Variants in NSMCE1 observed in about 807,000 individuals in gnomAD.
The protein encoded by NSMCE1 is non-structural maintenance of chromosomes element 1 homolog.
NSMCE1 carries 18 observed loss-of-function variants against 29.6 expected under a neutral mutation model. The observed-to-expected ratio is 0.61, with a 90% CI of 0.42 to 0.90. NSMCE1 has a LOEUF of 0.90. NSMCE1 is among the 40% of genes least tolerant of loss of function. The pLI is 0.00. For missense variants in NSMCE1, 314 were observed against 343.6 expected, an observed-to-expected ratio of 0.91 and a Z score of 0.68; for synonymous variants, 124 against 133.4, an observed-to-expected ratio of 0.93 and a Z score of 0.49.
At chr16:27,268,327 A>C (rs1479051844) in intron 1 of NSMCE1, 1 of 152,250 alleles carries the variant, frequency 6.6e-6, no homozygotes, top group African/African-American at 2.4e-5. Context: ...TGTATTTTCC[A>C]TAGATGTAAT....
intron 2 of NSMCE1, among the ~76,000 whole-genome samples, chr16:27,256,546 T>G (rs1369623682): frequency 6.6e-6 from 1 of 152,230 alleles, no homozygotes; most frequent in Non-Finnish European, 1.5e-5. Context: ...CATCATACAA[T>G]TACTCATCCA....
rs2084130384 is a variant in NSMCE1 at position 27,259,494 on chromosome 16, TA to T, written c.-11-1914del. 3.3e-5 allele frequency among the ~76,000 whole-genome samples: 5 copies of T among 152,254 alleles called. No individual in the cohort carries two copies. In the South Asian group the frequency reaches 1.0e-3, roughly 32 times the overall value. Reference sequence around the variant, plus strand: ...CTGCAAATGAAGGATCTCTACAAACTAAGGGTCTTGAAGCAGGAACATGGTG... The same window carrying T: ...CTGCAAATGAAGGATCTCTACAAACTAGGGTCTTGAAGCAGGAACATGGTG... On this transcript the variant is annotated intron_variant, in intron 1 of 7. Coordinates refer to ENST00000361439, the MANE Select transcript of NSMCE1 (RefSeq NM_145080.4).
chr16:27,255,792 T>C (rs76471124), intron 2 of NSMCE1, among the ~76,000 whole-genome samples: 2,009 of 152,354 alleles, frequency 0.013, 45 homozygotes, highest in African/African-American at 0.046. Context: ...GATCAGGCTT[T>C]GAACTCTAAC....
At chr16:27,238,369 C>T (rs1459787220) in intron 2 of NSMCE1, among the ~76,000 whole-genome samples, 3 of 152,056 alleles carry the variant, frequency 2.0e-5, no homozygotes, top group Non-Finnish European at 4.4e-5. Flanking sequence ...ACAGGCCTTC[C>T]CCAACCAGAT....
chr16:27,226,804 G>T lies in NSMCE1; in HGVS notation c.516C>A (p.Ala172=). The T allele has an allele frequency of 1.2e-6, 2 of 1,613,932 alleles. No homozygotes were observed. Among genetic ancestry groups the T allele is most frequent in the Non-Finnish European group, 1.7e-6 (2 of 1,179,806 alleles). The change falls in exon 6 of 8, where the codon GCC becomes GCA. Residue 172 remains alanine, a synonymous_variant. Transcript: ENST00000361439. Reference sequence around the variant, plus strand: ...GGATGTATTGCTCCATCTCCAGGATGGCCCGGCCGTGCAGGGTGAACTCCC... The same window carrying T: ...GGATGTATTGCTCCATCTCCAGGATTGCCCGGCCGTGCAGGGTGAACTCCC... ...KEGEFTLHGR[A]ILEMEQYIRE... is the part of the protein sequence containing the mutation.
At chr16:27,247,942 A>AAAAAC (rs1378545943) in intron 2 of NSMCE1, among the ~76,000 whole-genome samples, 211 of 152,082 alleles carry the variant, frequency 1.4e-3, no homozygotes, top group Non-Finnish European at 1.7e-3. Flanking sequence ...AAAAAAAACA[A>AAAAAC]AAAACAAAAC....
rs866352424 is a variant in NSMCE1 at position 27,234,246 on chromosome 16, G to A, written c.278C>T (p.Ser93Leu). 6.2e-7 allele frequency: 1 copy of A among 1,613,196 alleles called. No individual in the cohort carries two copies. The highest frequency in any genetic ancestry group is 1.1e-5 in the South Asian group (1 of 91,056). The change falls in exon 4 of 8, where the codon TCA (serine) becomes TTA (leucine). Residue 93 changes from serine to leucine, a missense_variant. Transcript: ENST00000361439. ...IYALVNLATTSISKMATDFAE... is the reference protein window; with the variant it reads ...IYALVNLATTLISKMATDFAE... ...AAAATCCGTAGCCATTTTGGAAATTGAAGTTGTAGCAAGATTCACCTAAGA... is the reference window on the plus strand; with the variant it reads ...AAAATCCGTAGCCATTTTGGAAATTAAAGTTGTAGCAAGATTCACCTAAGA...
chr16:27,244,726 T>C (rs554905416), intron 2 of NSMCE1, among the ~76,000 whole-genome samples: 8 of 152,208 alleles, frequency 5.3e-5, no homozygotes, highest in Non-Finnish European at 1.2e-4. Context: ...GACTCAATGC[T>C]TCCTTCCAGC....
chr16:27,264,529 T>C (rs1000351822), intron 1 of NSMCE1, among the ~76,000 whole-genome samples: 7 of 152,218 alleles, frequency 4.6e-5, no homozygotes, highest in African/African-American at 1.7e-4. Context: ...TGATGGCGGA[T>C]GAAAGCAAAC....
rs1395085551 is a variant in NSMCE1, at chr16:27,226,745, T to C, written c.575A>G (p.Asn192Ser). ...CTGGATGAGGAGGCTGTGACAGATA[T>C]TGCAGATCTTCACCGCGTCGGGGTA... ...ETYPDAVKIC[N>S]ICHSLLIQGQ... is the part of the protein sequence containing the mutation. Residue 192 changes from asparagine to serine, a missense_variant, in exon 6 of 8, where the codon AAT becomes AGT. Physicochemically the swap from Asn to Ser is conservative, Grantham distance 46 (BLOSUM62 1). Transcript: ENST00000361439. 4.3e-6 allele frequency: 7 copies of C among 1,612,964 alleles called. No individual in the cohort carries two copies. Among genetic ancestry groups the C allele is most frequent in the Non-Finnish European group, 5.1e-6 (6 of 1,179,072 alleles).
At position 27,251,583 on chromosome 16, in the gene NSMCE1, C is replaced by T. The variant is rs550292087; in HGVS notation, c.136+5852G>A. Among the ~76,000 whole-genome samples the T allele has an allele frequency of 5.6e-4, 86 of 152,236 alleles. 1 individual carries two copies. The highest frequency in any genetic ancestry group is 1.9e-3 in the African/African-American group (79 of 41,544). On this transcript the variant is annotated intron_variant, in intron 2 of 7. Coordinates refer to ENST00000361439, the MANE Select transcript of NSMCE1 (RefSeq NM_145080.4). ...AGTCTTGTTTGGGGTTTTCTTTCCTCGCAATGTCTTTGTCTGGTTATGGTA... is the reference window on the plus strand; with the variant it reads ...AGTCTTGTTTGGGGTTTTCTTTCCTTGCAATGTCTTTGTCTGGTTATGGTA...
At chr16:27,237,268 A>G (rs2083836337) in intron 2 of NSMCE1, among the ~76,000 whole-genome samples, 1 of 152,250 alleles carries the variant, frequency 6.6e-6, no homozygotes, top group Non-Finnish European at 1.5e-5. Context: ...AGGCATCAGG[A>G]GGGAGGCATG....
In NSMCE1 at chr16:27,225,211, C is replaced by T. The variant is rs751810260; in HGVS notation, c.747G>A (p.Arg249=). The T allele has an allele frequency of 1.9e-6, 3 of 1,607,186 alleles. No individual in the cohort carries two copies. The highest frequency in any genetic ancestry group is 2.2e-5 in the East Asian group (1 of 44,850). The change falls in exon 8 of 8, where the codon AGG becomes AGA. Residue 249 remains arginine, a synonymous_variant. Transcript: ENST00000361439. ...IPKVFDPEKE[R]ESGVLKSNKK... ...TGTTCGATTTCAAGACACCAGACTC[C>T]CTCTCCTTCTCAGGGTCGAAGACTT...
chr16:27,235,453 C>T (rs1162311922), intron 2 of NSMCE1, among the ~76,000 whole-genome samples, 154 bp from the exon 3 acceptor site: 1 of 152,170 alleles, frequency 6.6e-6, no homozygotes, highest in Non-Finnish European at 1.5e-5. Context: ...GCCAATGCCA[C>T]GTGGCTTCTT....
At chr16:27,228,937 C>CT (rs769634110) in intron 5 of NSMCE1, among the ~76,000 whole-genome samples, 1 of 152,086 alleles carries the variant, frequency 6.6e-6, no homozygotes, top group Non-Finnish European at 1.5e-5. Context: ...CCTCCACCCT[C>CT]TTCCACCCTC....
At chr16:27,250,998 T>A (rs1263084078) in intron 2 of NSMCE1, among the ~76,000 whole-genome samples, 1 of 147,684 alleles carries the variant, frequency 6.8e-6, no homozygotes, top group Non-Finnish European at 1.5e-5. Flanking sequence ...TGCACCACCG[T>A]GCCCAGCTAA....
chr16:27,242,672 T>C (rs1039949558), intron 2 of NSMCE1, among the ~76,000 whole-genome samples: 3 of 152,212 alleles, frequency 2.0e-5, no homozygotes, highest in African/African-American at 4.8e-5. Flanking sequence ...GGTAAAGTTC[T>C]GGATCATAAT....
intron 2 of NSMCE1, among the ~76,000 whole-genome samples, chr16:27,251,189 T>TATATATATATATATATATATA (rs1459861130): frequency 3.4e-5 from 2 of 58,834 alleles, no homozygotes; most frequent in Non-Finnish European, 5.9e-5. Context: ...TATATATATA[T>TATATATATATATATATATATA]AAATATATAT....
At chr16:27,235,348 A>C (rs878874349) in intron 2 of NSMCE1, 49 bp from the exon 3 acceptor site, 1 of 1,594,708 alleles carries the variant, frequency 6.3e-7, no homozygotes, top group Non-Finnish European at 8.5e-7. Context: ...GGGCCTCATC[A>C]AAAAAATGTA....
Sources: allele counts gnomAD v4.1 joint callset (sites outside exome capture counted in the v4.1 genomes callset), GRCh38; gene constraint gnomAD v4.1.1; transcripts MANE v1.5; gene names NCBI Gene and HGNC (gene_info 2026-07-23, HGNC 2026-07-21).